CREB5: variants seen among roughly 807,000 people sequenced by gnomAD.
CREB5 encodes cAMP responsive element binding protein 5, also known as cyclic AMP-responsive element-binding protein 5.
A neutral mutation model predicts 57.1 loss-of-function variants in CREB5; 19 were observed. The observed-to-expected ratio is 0.33, with a 90% CI of 0.23 to 0.49. CREB5 has a LOEUF of 0.49. Among genes scored for constraint, CREB5 ranks in the 20% least tolerant of loss-of-function variants. The probability of loss-of-function intolerance (pLI) is 0.99; values close to 1 mark genes in which losing one functional copy is unlikely to be tolerated. For synonymous variants in CREB5, 238 were observed against 238.3 expected, an observed-to-expected ratio of 1.00 and a Z score of 0.01; for missense variants, 579 against 671.6, an observed-to-expected ratio of 0.86 and a Z score of 1.52.
intron 4 of CREB5, among the ~76,000 whole-genome samples, chr7:28,536,129 A>G (rs1445949366): frequency 1.3e-5 from 2 of 152,136 alleles, no homozygotes; most frequent in Non-Finnish European, 2.9e-5. Context: ...CTGTCTGCCT[A>G]TGTCTGCTGA....
At chr7:28,504,760 G>A (rs1199023835) in intron 3 of CREB5, among the ~76,000 whole-genome samples, 1 of 152,118 alleles carries the variant, frequency 6.6e-6, no homozygotes, top group Non-Finnish European at 1.5e-5. Flanking sequence ...GGGCAAGTGC[G>A]AGTAGGAACT....
intron 1 of CREB5, among the ~76,000 whole-genome samples, chr7:28,348,116 A>G (rs1276782792): frequency 1.3e-5 from 2 of 151,858 alleles, no homozygotes; most frequent in South Asian, 4.2e-4. Context: ...TCAGCCGAAC[A>G]CTCTCACTGG....
rs750363040 is a variant in CREB5, at chr7:28,643,752, G to GGC, written c.464+73216_464+73217insCG. On this transcript the variant is annotated intron_variant, in intron 5 of 10. Coordinates refer to ENST00000357727, the MANE Select transcript of CREB5 (RefSeq NM_182898.4). ...CGAATAGTTCACGGGTTTGGGAGGT[G>GGC]GGGGGGGGCGGAAGAAAAAAAAAAA... 7.1e-4 allele frequency among the ~76,000 whole-genome samples: 13 copies of GGC among 18,294 alleles called. No homozygotes were observed. The East Asian group carries it at 0.12, about 171-fold the overall frequency. 12.0% of individuals were successfully genotyped at this position (18,294 alleles called of 152,430 possible).
At chr7:28,788,143 G>T (rs1184794774) in intron 7 of CREB5, among the ~76,000 whole-genome samples, 1 of 152,098 alleles carries the variant, frequency 6.6e-6, no homozygotes, top group Non-Finnish European at 1.5e-5. Context: ...TTCTGGGCTG[G>T]ATAATTATTT....
At chr7:28,411,562 G>C (rs1285730972), upstream of CREB5, among the ~76,000 whole-genome samples, 2 of 140,628 alleles carry the variant, frequency 1.4e-5, no homozygotes, top group Non-Finnish European at 3.1e-5. Context: ...TGTGGGGGGT[G>C]GGGGGGTGGG....
chr7:28,582,913 A>G (rs1453121540), intron 5 of CREB5, among the ~76,000 whole-genome samples: 1 of 152,200 alleles, frequency 6.6e-6, no homozygotes, highest in East Asian at 1.9e-4. Flanking sequence ...TTTTAAAATT[A>G]AATAAGTAAA....
chr7:28,744,773 T>C (rs2128759678), intron 7 of CREB5, among the ~76,000 whole-genome samples: 1 of 152,356 alleles, frequency 6.6e-6, no homozygotes, highest in African/African-American at 2.4e-5. Flanking sequence ...CCATAGCAGT[T>C]TCCTAAACTG....
intron 1 of CREB5, among the ~76,000 whole-genome samples, chr7:28,473,319 C>T (rs1390979322): frequency 6.6e-6 from 1 of 152,150 alleles, no homozygotes; most frequent in Non-Finnish European, 1.5e-5. Context: ...AAAATCCCAT[C>T]TCTGAGAAAA....
chr7:28,605,491 C>G (rs1244241483), intron 5 of CREB5, among the ~76,000 whole-genome samples: 1 of 152,070 alleles, frequency 6.6e-6, no homozygotes, highest in East Asian at 1.9e-4. Flanking sequence ...CTATTTTTGG[C>G]CTTCATGCAT....
At chr7:28,533,658 G>A (rs1018528446) in intron 4 of CREB5, among the ~76,000 whole-genome samples, 7 of 152,182 alleles carry the variant, frequency 4.6e-5, no homozygotes, top group Admixed American at 1.3e-4. Context: ...TTTACATCAT[G>A]TCCTCTGAGA....
At chr7:28,556,309 G>A (rs1416878409) in intron 4 of CREB5, among the ~76,000 whole-genome samples, 1 of 152,198 alleles carries the variant, frequency 6.6e-6, no homozygotes, top group African/African-American at 2.4e-5. Context: ...TAGACAGATA[G>A]GAAGCTGTGG....
intron 7 of CREB5, among the ~76,000 whole-genome samples, chr7:28,728,007 A>G (rs535600833): frequency 5.7e-4 from 86 of 152,152 alleles, no homozygotes; most frequent in Non-Finnish European, 4.9e-4. Context: ...GTGCAGTGGC[A>G]TGACTATGGC....
chr7:28,758,669 A>G (rs998001564), intron 7 of CREB5, among the ~76,000 whole-genome samples: 5 of 152,216 alleles, frequency 3.3e-5, no homozygotes, highest in Admixed American at 3.3e-4. Context: ...CAATTTGAAA[A>G]TGGTTCTTTC....
At position 28,490,020 on chromosome 7, in the gene CREB5, G is replaced by T. The variant is rs75863004; in HGVS notation, c.75+1774G>T. ...TCCCATTCAGCTTCTTTGAAGAGAA[G>T]TCTTGATAGCCAAAGGGAATCAGAT... On this transcript the variant is annotated intron_variant, in intron 2 of 10. Coordinates refer to ENST00000357727, the MANE Select transcript of CREB5 (RefSeq NM_182898.4). Among the ~76,000 whole-genome samples the T allele has an allele frequency of 3.0e-3, 457 of 152,316 alleles. 4 individuals are homozygous for T. Among genetic ancestry groups the T allele is most frequent in the African/African-American group, 0.01 (427 of 41,570 alleles).
chr7:28,416,231 C>G (rs1432506513), intron 1 of CREB5, among the ~76,000 whole-genome samples: 1 of 152,138 alleles, frequency 6.6e-6, no homozygotes, highest in Non-Finnish European at 1.5e-5. Context: ...TTTTATTACA[C>G]TGAGGAGCTC....
intron 1 of CREB5, among the ~76,000 whole-genome samples, chr7:28,418,774 C>T (rs916231907): frequency 1.8e-4 from 27 of 152,172 alleles, no homozygotes; most frequent in Non-Finnish European, 3.8e-4. Context: ...GCATCCTGCT[C>T]ATTGATTAGA....
intron 5 of CREB5, among the ~76,000 whole-genome samples, chr7:28,690,543 T>C (rs1801197163): frequency 6.6e-6 from 1 of 152,210 alleles, no homozygotes; most frequent in Non-Finnish European, 1.5e-5. Flanking sequence ...TTCTACTTAC[T>C]GGCTGTGTGA....
chr7:28,758,093 A>G (rs1192693329), intron 7 of CREB5, among the ~76,000 whole-genome samples: 1 of 152,124 alleles, frequency 6.6e-6, no homozygotes, highest in Non-Finnish European at 1.5e-5. Flanking sequence ...TTGTAGTCAT[A>G]TTGTCATGGT....
At chr7:28,516,219 A>T (rs532280947) in intron 4 of CREB5, among the ~76,000 whole-genome samples, 2,285 of 151,932 alleles carry the variant, frequency 0.015, 58 homozygotes, top group African/African-American at 0.052. Flanking sequence ...ATTTTTTTTA[A>T]AAAAAAAGTA....
Sources: gnomAD v4.1 joint callset for allele counts (sites outside exome capture counted in the v4.1 genomes callset) on GRCh38, gnomAD v4.1.1 for gene constraint, MANE v1.5 for transcripts, NCBI Gene and HGNC (gene_info 2026-07-23, HGNC 2026-07-21) for gene names.